The following FCSK variants were observed in gnomAD, a reference collection of about 807,000 sequenced individuals.
The protein encoded by FCSK is fucose kinase.
FCSK carries 123 observed loss-of-function variants against 122.5 expected under a neutral mutation model. The ratio of observed to expected loss-of-function variants is 1.00; its 90% confidence interval spans 0.87 to 1.17. The LOEUF (loss-of-function observed/expected upper bound fraction) is 1.17, where lower values mean the gene tolerates loss of function less well. Ranked by LOEUF, FCSK falls within the 50% of genes most tolerant of loss-of-function variation. The pLI, the probability that FCSK is intolerant of heterozygous loss-of-function variation, is 0.00. For missense variants in FCSK, 1,366 were observed against 1,450.4 expected, an observed-to-expected ratio of 0.94 and a Z score of 0.95; for synonymous variants, 620 against 625.5, an observed-to-expected ratio of 0.99 and a Z score of 0.13.
chr16:70,476,577 T>C (rs771787196), intron 20 of FCSK, among the ~76,000 whole-genome samples: 3 of 151,014 alleles, frequency 2.0e-5, no homozygotes, highest in African/African-American at 4.9e-5. Flanking sequence ...CTGGAACCCA[T>C]GGCCAGTGTA....
chr16:70,463,555 C>T, intron 2 of FCSK, 68 bp from the exon 3 acceptor site: 1 of 1,580,176 alleles, frequency 6.3e-7, no homozygotes, highest in South Asian at 1.1e-5. Flanking sequence ...GATCAGTAGG[C>T]TTGCTTACGT....
At chr16:70,477,542 A>G (rs900326126) in intron 20 of FCSK, 3 of 152,150 alleles carry the variant, frequency 2.0e-5, no homozygotes, top group African/African-American at 7.2e-5. Flanking sequence ...TCATTACTGA[A>G]GATGGAAAGA....
rs1024607065 is a variant in FCSK at position 70,473,595 on chromosome 16, G to C, written c.1777+242G>C. 2.0e-5 allele frequency among the ~76,000 whole-genome samples: 3 copies of C among 152,178 alleles called. No homozygotes were observed. The highest frequency in any genetic ancestry group is 6.5e-5 in the Admixed American group (1 of 15,282). On this transcript the variant is annotated intron_variant, in intron 15 of 23. Coordinates refer to ENST00000288078, the MANE Select transcript of FCSK (RefSeq NM_145059.3). The surrounding 1 kb of genome is among the most constrained non-coding windows in gnomAD (Gnocchi z 4.9). ...TCAGAGGTTGAGGCCTGGCAGCTGA[G>C]CTCTAGGTCCTAGGCACATCGGCAA...
In FCSK at chr16:70,473,222, T is replaced by C; in HGVS notation, c.1646T>C (p.Leu549Pro). 2 of 1,535,802 alleles carry C rather than the reference T, an allele frequency of 1.3e-6. No individual in the cohort carries two copies. Among genetic ancestry groups the C allele is most frequent in the Non-Finnish European group, 1.7e-6 (2 of 1,145,856 alleles). ...RAATLASRRD[L>P]FFRQALHKAR... ...GCCACGCTGGCCTCTCGCCGGGACC[T>C]GTTCTTCCGCCAGGCCCTGCATAAG... Residue 549 changes from leucine (L) to proline (P), a missense_variant, in exon 15 of 24, where the codon CTG (leucine) becomes CCG (proline). Leu to Pro is a moderately conservative substitution (Grantham distance 98). Coordinates refer to ENST00000288078, the MANE Select transcript of FCSK (RefSeq NM_145059.3). This position sits in a 1 kb window ranked among gnomAD's most constrained non-coding sequence, Gnocchi z 4.9.
chr16:70,479,518 C>A, intron 23 of FCSK, 61 bp from the exon 24 acceptor site: 1 of 1,527,824 alleles, frequency 6.5e-7, no homozygotes, highest in South Asian at 1.2e-5. Flanking sequence ...CAGGCCCAGT[C>A]CAGCCTCCAG....
chr16:70,474,990 T>TGAG lies in FCSK; in HGVS notation c.2356_2357insGAG (p.Tyr786delinsTer). The TGAG allele has an allele frequency of 6.2e-7, 1 of 1,606,128 alleles. No homozygotes were observed. The highest frequency in any genetic ancestry group is 8.5e-7 in the Non-Finnish European group (1 of 1,177,362). ...CCGGTGCCTGGCTGACCTGCGGGAC[T>TGAG]ACTGCCAGCCTCATGCCCCAGGTCA... is the stretch of plus-strand genomic sequence containing the variant. On this transcript the variant is annotated stop_gained, in exon 18 of 24. Coordinates refer to ENST00000288078, the MANE Select transcript of FCSK (RefSeq NM_145059.3). LOFTEE classifies it high-confidence loss of function.
chr16:70,478,484 G>T (rs967161365), intron 21 of FCSK, 25 bp downstream of exon 21: 1 of 1,613,452 alleles, frequency 6.2e-7, no homozygotes, highest in African/African-American at 1.3e-5. Context: ...CAGCATGAGG[G>T]AGGCAGGCAG....
rs916375943 is a variant in FCSK at position 70,463,838 on chromosome 16, A to G, written c.234+64A>G. On this transcript the variant is annotated intron_variant, in intron 3 of 23. Coordinates refer to ENST00000288078, the MANE Select transcript of FCSK (RefSeq NM_145059.3). ...CTGCTGGAACCAGGTCATTTCTGAG[A>G]TCCCCAGCTCCTCTGGCTCCATCGC... is the stretch of plus-strand genomic sequence containing the variant. 2.7e-6 allele frequency: 4 copies of G among 1,508,850 alleles called. No individual in the cohort carries two copies. In the African/African-American group the frequency reaches 5.5e-5, roughly 21 times the overall value. The allele number at this position is 1,508,850 out of a possible 1,614,324, so 93.5% of individuals were successfully genotyped here.
At chr16:70,467,763 C>T in intron 7 of FCSK, 123 bp from the exon 8 acceptor site, 1 of 797,362 alleles carries the variant, frequency 1.3e-6, no homozygotes, top group Admixed American at 2.1e-5. Flanking sequence ...AGAATGCCAG[C>T]AACTGCCAGC....
chr16:70,470,851 G>A (rs1228602725), intron 11 of FCSK, 120 bp from the exon 12 acceptor site: 18 of 813,762 alleles, frequency 2.2e-5, no homozygotes, highest in Non-Finnish European at 3.5e-5. Flanking sequence ...AGTCTAGGGT[G>A]CTGCAGGGCA....
At position 70,473,174 on chromosome 16, in the gene FCSK, T is replaced by C; in HGVS notation, c.1598T>C (p.Leu533Pro). 1 of 1,542,246 alleles carries C rather than the reference T, an allele frequency of 6.5e-7. No homozygotes were observed. The highest frequency in any genetic ancestry group is 2.0e-5 in the Admixed American group (1 of 51,170). Residue 533 changes from leucine to proline, a missense_variant, in exon 15 of 24, where the codon CTG (leucine) becomes CCG (proline). Leu to Pro is a moderately conservative substitution (Grantham distance 98). Coordinates refer to ENST00000288078, the MANE Select transcript of FCSK (RefSeq NM_145059.3). The surrounding 1 kb of genome is among the most constrained non-coding windows in gnomAD (Gnocchi z 4.9). ...RASWRLSWEQ[L>P]QPCLDRAATL... ...TCCTGGCGCCTGTCCTGGGAGCAGCTGCAGCCGTGCCTGGATCGGGCTGCC... is the reference window on the plus strand; with the variant it reads ...TCCTGGCGCCTGTCCTGGGAGCAGCCGCAGCCGTGCCTGGATCGGGCTGCC...
chr16:70,478,459 G>T lies in FCSK; in HGVS notation c.2829G>T (p.Gln943His). Residue 943 changes from glutamine to histidine, a missense_variant and splice_region_variant, in exon 21 of 24, where the codon CAG (glutamine) becomes CAT (histidine). Gln to His is a conservative substitution (Grantham distance 24, BLOSUM62 0). Coordinates refer to ENST00000288078, the MANE Select transcript of FCSK (RefSeq NM_145059.3). ...CCCGCCTGGCTCGGAACCTGCTGCA[G>T]GTGAGCTCTGGCCCCAGCATGAGGG... ...GKTRLARNLL[Q>H]DVLRSWYARL... is the part of the protein sequence containing the mutation. The T allele has an allele frequency of 1.2e-6, 2 of 1,613,940 alleles. No individual in the cohort carries two copies. Among genetic ancestry groups the T allele is most frequent in the South Asian group, 2.2e-5 (2 of 91,080 alleles).
chr16:70,455,595 TAAAA>T (rs1387849487), intron 1 of FCSK, among the ~76,000 whole-genome samples: 4 of 137,044 alleles, frequency 2.9e-5, no homozygotes, highest in African/African-American at 5.3e-5. Flanking sequence ...AACTATTAAT[TAAAA>T]AAAAAAAAAA....
chr16:70,456,407 T>C (rs1487793986), intron 1 of FCSK, among the ~76,000 whole-genome samples: 2 of 152,194 alleles, frequency 1.3e-5, no homozygotes, highest in African/African-American at 2.4e-5. Flanking sequence ...ACTCCATATG[T>C]ATTAGCTACT....
intron 3 of FCSK, 174 bp from the exon 4 acceptor site, chr16:70,464,952 C>T (rs1034066269): frequency 1.4e-6 from 2 of 1,427,326 alleles, no homozygotes; most frequent in African/African-American, 1.4e-5. Flanking sequence ...GATCCCTTAT[C>T]CAGGAGGGAC....
At position 70,466,899 on chromosome 16, in the gene FCSK, G is replaced by T. The variant is rs541309334; in HGVS notation, c.429G>T (p.Pro143=). The change falls in exon 6 of 24, where the codon CCG becomes CCT. Residue 143 remains proline (P), a synonymous_variant. Coordinates refer to ENST00000288078, the MANE Select transcript of FCSK (RefSeq NM_145059.3). ...CCCCACAGCTGGGCCCGGGCTCCCC[G>T]CCAGGCGTGTGGGTCTGCAGCACCG... ...IMTYRLGPGS[P]PGVWVCSTDM... 1.9e-6 allele frequency: 3 copies of T among 1,613,682 alleles called. No homozygotes were observed. Among genetic ancestry groups the T allele is most frequent in the South Asian group, 1.1e-5 (1 of 91,072 alleles).
In FCSK at chr16:70,473,242, C is replaced by A. The variant is rs1337864398; in HGVS notation, c.1666C>A (p.His556Asn). 10 of 1,534,776 alleles carry A rather than the reference C, an allele frequency of 6.5e-6. No individual in the cohort carries two copies. Among genetic ancestry groups the A allele is most frequent in the Middle Eastern group, 2.2e-4 (1 of 4,550 alleles). Reference sequence around the variant, plus strand: ...GGACCTGTTCTTCCGCCAGGCCCTGCATAAGGCGCGGCACGTGCTGGAGGC... The same window carrying A: ...GGACCTGTTCTTCCGCCAGGCCCTGAATAAGGCGCGGCACGTGCTGGAGGC... ...RRDLFFRQALHKARHVLEARQ... is the reference protein window; with the variant it reads ...RRDLFFRQALNKARHVLEARQ... Residue 556 changes from histidine to asparagine, a missense_variant, in exon 15 of 24, where the codon CAT becomes AAT. Coordinates refer to ENST00000288078, the MANE Select transcript of FCSK (RefSeq NM_145059.3). The surrounding 1 kb of genome is among the most constrained non-coding windows in gnomAD (Gnocchi z 4.9).
rs373425489 is a variant in FCSK, at chr16:70,463,709, G to A, written c.169G>A (p.Gly57Arg). Residue 57 changes from glycine to arginine, a missense_variant, in exon 3 of 24, where the codon GGA becomes AGA. Gly to Arg is a moderately radical substitution (Grantham distance 125). Transcript: ENST00000288078. ...GGACCCAGAGAAGCGTGTGGGCAGC[G>A]GAGGAGCCACCCTCAACGCCCTGCT... is the stretch of plus-strand genomic sequence containing the variant. ...VEDPEKRVGS[G>R]GATLNALLVA... The A allele has an allele frequency of 8.7e-6, 14 of 1,612,666 alleles. No individual in the cohort carries two copies. The highest frequency in any genetic ancestry group is 6.7e-5 in the African/African-American group (5 of 74,858).
At chr16:70,478,737 T>G in intron 22 of FCSK, 87 bp downstream of exon 22, 1 of 1,069,076 alleles carries the variant, frequency 9.4e-7, no homozygotes, top group Non-Finnish European at 1.4e-6. Flanking sequence ...TCTGCAGGCT[T>G]GGCACAAGCT....
Sources: allele counts gnomAD v4.1 joint callset (sites outside exome capture counted in the v4.1 genomes callset), GRCh38; gene constraint gnomAD v4.1.1; non-coding constraint Gnocchi (gnomAD v3.1); transcripts MANE v1.5; gene names NCBI Gene and HGNC (gene_info 2026-07-23, HGNC 2026-07-21).